The following KAZN variants were observed in gnomAD, a reference collection of about 807,000 sequenced individuals.
KAZN encodes kazrin, periplakin interacting protein, also known as kazrin.
In KAZN, 40 loss-of-function variants were observed where a neutral mutation model predicts 87.4. The ratio of observed to expected loss-of-function variants is 0.46; its 90% CI spans 0.36 to 0.60. The LOEUF (loss-of-function observed/expected upper bound fraction) is 0.60. Among genes scored for constraint, KAZN ranks in the 20% least tolerant of loss-of-function variants. The probability of loss-of-function intolerance (pLI) is 0.00; values close to 1 mark genes in which losing one functional copy is unlikely to be tolerated. For synonymous variants in KAZN, 466 were observed against 458.3 expected (o/e 1.02, Z -0.22); for missense variants, 898 against 1,073.9 (o/e 0.84, Z 2.29).
chr1:15,018,709 G>A (rs377143184), intron 2 of KAZN, among the ~76,000 whole-genome samples: 1 of 152,182 alleles, frequency 6.6e-6, no homozygotes, highest in East Asian at 1.9e-4. Context: ...CCGAAAGGGG[G>A]TCTGAGATCA....
intron 1 of KAZN, among the ~76,000 whole-genome samples, chr1:14,746,039 T>C (rs923673410): frequency 1.3e-5 from 2 of 152,194 alleles, no homozygotes; most frequent in East Asian, 1.9e-4. Flanking sequence ...TCACATTCAT[T>C]GTGCAATATG....
intron 1 of KAZN, among the ~76,000 whole-genome samples, chr1:14,112,164 C>T (rs948625717): frequency 1.5e-5 from 2 of 134,722 alleles, no homozygotes; most frequent in Non-Finnish European, 3.2e-5. Flanking sequence ...CTGACCTTAC[C>T]TACTGGCTGT....
intron 2 of KAZN, among the ~76,000 whole-genome samples, chr1:14,460,078 T>C (rs1667778564): frequency 6.6e-6 from 1 of 152,200 alleles, no homozygotes; most frequent in Admixed American, 6.5e-5. Flanking sequence ...CTCCTGGATT[T>C]CTGATCCTGG....
intron 1 of KAZN, among the ~76,000 whole-genome samples, chr1:13,953,173 A>T (rs986658741): frequency 1.3e-5 from 2 of 152,058 alleles, no homozygotes; most frequent in African/African-American, 2.4e-5. Flanking sequence ...GCACTATCTT[A>T]TCTCTCCTCT....
chr1:14,697,506 G>A (rs1044132719), intron 1 of KAZN, among the ~76,000 whole-genome samples: 2 of 152,124 alleles, frequency 1.3e-5, no homozygotes, highest in Non-Finnish European at 2.9e-5. Flanking sequence ...CACATTGAAA[G>A]CTTTATTATG....
At chr1:14,249,699 G>A (rs1297570972) in intron 2 of KAZN, among the ~76,000 whole-genome samples, 1 of 152,142 alleles carries the variant, frequency 6.6e-6, no homozygotes, top group Non-Finnish European at 1.5e-5. Context: ...ACTTCCATAT[G>A]TATGAATTCC....
intron 8 of KAZN, among the ~76,000 whole-genome samples, chr1:15,088,145 G>A (rs549901357): frequency 3.3e-5 from 5 of 152,298 alleles, no homozygotes; most frequent in African/African-American, 7.2e-5. Context: ...CTGTCTCAAC[G>A]TCTCAACTCT....
intron 1 of KAZN, among the ~76,000 whole-genome samples, chr1:14,092,466 A>G (rs1197197122): frequency 6.6e-6 from 1 of 150,498 alleles, no homozygotes; most frequent in Non-Finnish European, 1.5e-5. Flanking sequence ...TAAATTATAT[A>G]TATATACACA....
At chr1:14,375,759 G>A (rs1660856985) in intron 2 of KAZN, among the ~76,000 whole-genome samples, 1 of 152,088 alleles carries the variant, frequency 6.6e-6, no homozygotes, top group East Asian at 1.9e-4. Flanking sequence ...GTGGTGGCGG[G>A]TGCCTGTAGT....
At chr1:14,496,359 G>A (rs1225463529) in intron 2 of KAZN, among the ~76,000 whole-genome samples, 4 of 152,150 alleles carry the variant, frequency 2.6e-5, no homozygotes, top group Admixed American at 6.5e-5. Context: ...CATTCTGGGG[G>A]GAAGGGAATA....
At chr1:14,557,915 T>C (rs1017888301) in intron 2 of KAZN, among the ~76,000 whole-genome samples, 1 of 91,270 alleles carries the variant, frequency 1.1e-5, no homozygotes, top group East Asian at 2.3e-4. Context: ...GCCAGTGCAC[T>C]AATATTATTG....
chr1:15,084,398 C>T (rs1238580231), intron 8 of KAZN, among the ~76,000 whole-genome samples: 2 of 152,178 alleles, frequency 1.3e-5, no homozygotes, highest in Non-Finnish European at 2.9e-5. Context: ...TCGGAAGGGC[C>T]TCCCTCTACA....
intron 1 of KAZN, among the ~76,000 whole-genome samples, chr1:14,828,078 A>G (rs1023488208): frequency 1.3e-5 from 2 of 152,252 alleles, no homozygotes; most frequent in African/African-American, 2.4e-5. Flanking sequence ...CCTGTGGCAG[A>G]CATACACAAT....
At chr1:13,912,992 C>T (rs1220341112) in intron 1 of KAZN, among the ~76,000 whole-genome samples, 1 of 152,178 alleles carries the variant, frequency 6.6e-6, no homozygotes, top group East Asian at 1.9e-4. Flanking sequence ...GAGCTGCATC[C>T]TGCATGGCCC....
chr1:14,660,789 A>G (rs1333746868), intron 1 of KAZN, among the ~76,000 whole-genome samples: 1 of 152,096 alleles, frequency 6.6e-6, no homozygotes, highest in African/African-American at 2.4e-5. Context: ...TGCTGCTGAA[A>G]TCGTGGCCAA....
At chr1:14,964,399 C>T (rs149001848) in intron 2 of KAZN, among the ~76,000 whole-genome samples, 341 of 152,292 alleles carry the variant, frequency 2.2e-3, no homozygotes, top group African/African-American at 7.9e-3. Flanking sequence ...GTCTGATTCT[C>T]ATGAGGGGTG....
At chr1:14,475,201 G>A (rs1000681418) in intron 2 of KAZN, among the ~76,000 whole-genome samples, 1 of 152,140 alleles carries the variant, frequency 6.6e-6, no homozygotes, top group Admixed American at 6.6e-5. Context: ...ATTGGGTGAT[G>A]TGTGGGTGAT....
chr1:14,283,098 C>T (rs1652976053), intron 2 of KAZN, among the ~76,000 whole-genome samples: 1 of 152,208 alleles, frequency 6.6e-6, no homozygotes, highest in South Asian at 2.1e-4. Flanking sequence ...GAACCTGCCA[C>T]TTCCAAGCCA....
intron 2 of KAZN, among the ~76,000 whole-genome samples, chr1:14,214,241 C>CTTTCTTTT (rs148821809): frequency 2.0e-5 from 3 of 151,818 alleles, no homozygotes; most frequent in African/African-American, 7.3e-5. Context: ...CTCCGGCTTT[C>CTTTCTTTT]TTTGGAGTGT....
Sources: gnomAD v4.1 joint callset for allele counts (sites outside exome capture counted in the v4.1 genomes callset) on GRCh38, gnomAD v4.1.1 for gene constraint, MANE v1.5 for transcripts, NCBI Gene and HGNC (gene_info 2026-07-23, HGNC 2026-07-21) for gene names.